Variants in LYPLA1 observed in about 807,000 individuals in gnomAD.
LYPLA1 encodes the protein acyl-protein thioesterase 1.
LYPLA1 carries 17 observed loss-of-function variants against 34.0 expected under a neutral mutation model. The observed-to-expected ratio is 0.50, with a 90% confidence interval of 0.34 to 0.75. LYPLA1 has a LOEUF of 0.75. Among genes scored for constraint, LYPLA1 ranks in the 30% least tolerant of loss-of-function variants. The pLI is 0.01. For missense variants in LYPLA1, 203 were observed against 288.8 expected (o/e 0.70, Z 2.15); for synonymous variants, 98 against 100.8 (o/e 0.97, Z 0.17).
chr8:54,045,578 G>T (rs1805456913), downstream of LYPLA1: 1 of 152,190 alleles, frequency 6.6e-6, no homozygotes, highest in Non-Finnish European at 1.5e-5. Flanking sequence ...TCCAAAAATT[G>T]AACAAGCTGC....
downstream of LYPLA1, among the ~76,000 whole-genome samples, chr8:54,045,160 GACTAT>G (rs1462268550): frequency 6.6e-6 from 1 of 152,124 alleles, no homozygotes; most frequent in Non-Finnish European, 1.5e-5. Context: ...TTGATCAGAG[GACTAT>G]ATGCTTAAAG....
downstream of LYPLA1, chr8:54,046,352 T>C (rs1340643789): frequency 6.6e-6 from 1 of 152,608 alleles, no homozygotes; most frequent in Non-Finnish European, 1.5e-5. Flanking sequence ...ATTCCAAATA[T>C]TAAAATACTC....
At chr8:54,086,812 T>C (rs933291317) in intron 2 of LYPLA1, among the ~76,000 whole-genome samples, 1 of 152,170 alleles carries the variant, frequency 6.6e-6, no homozygotes, top group African/African-American at 2.4e-5. Flanking sequence ...TTCACTCCAC[T>C]GCACTCTAGC....
rs1383684036 is a variant in LYPLA1, at chr8:54,052,638, T to G, written c.462+17A>C. 1 of 1,534,002 alleles carries G rather than the reference T, an allele frequency of 6.5e-7. No individual in the cohort carries two copies. Among genetic ancestry groups the G allele is most frequent in the African/African-American group, 1.4e-5 (1 of 73,118 alleles). On this transcript the variant is annotated intron_variant, in intron 7 of 8. Coordinates refer to ENST00000316963, the MANE Select transcript of LYPLA1 (RefSeq NM_006330.4). ...TTTAGCTCAGTAATCTCATGTTGAG[T>G]GCATCAACCAAGTTACCTGTGGAAA...
intron 2 of LYPLA1, among the ~76,000 whole-genome samples, chr8:54,081,096 C>T (rs1459194804): frequency 1.3e-5 from 2 of 152,098 alleles, no homozygotes; most frequent in African/African-American, 2.4e-5. Flanking sequence ...AGTTCAAAGG[C>T]CTTTTGCTGT....
intron 2 of LYPLA1, among the ~76,000 whole-genome samples, chr8:54,075,492 C>T (rs1019524632): frequency 4.6e-5 from 7 of 152,182 alleles, no homozygotes; most frequent in African/African-American, 1.4e-4. Context: ...TCATGAGCAA[C>T]ACCCGAACAG....
rs189362885 is a variant in LYPLA1, at chr8:54,085,995, G to A, written c.101+14913C>T. Among the ~76,000 whole-genome samples the A allele has an allele frequency of 4.6e-5, 7 of 152,292 alleles. No homozygotes were observed. In the East Asian group the frequency reaches 9.6e-4, roughly 21 times the overall value. On this transcript the variant is annotated intron_variant, in intron 2 of 8. Transcript: ENST00000316963. ...ATGGCGGTTTTGTCGAATAGAAAAC[G>A]GGGAAATGTGGGGAAAAGAGAGATC...
chr8:54,051,152 G>GAAT lies in LYPLA1; in HGVS notation c.496_498dup (p.Ile166dup). ...GGGTCACAATCCCCGTGGCACTGGA[G>GAAT]AATAGAAATATCTCTATTAGCACCA... On this transcript the variant is annotated inframe_insertion, in exon 8 of 9. Coordinates refer to ENST00000316963, the MANE Select transcript of LYPLA1 (RefSeq NM_006330.4). The GAAT allele has an allele frequency of 6.2e-7, 1 of 1,613,850 alleles. No individual in the cohort carries two copies. Among genetic ancestry groups the GAAT allele is most frequent in the Non-Finnish European group, 8.5e-7 (1 of 1,179,892 alleles).
chr8:54,063,667 C>T (rs1338742782), intron 3 of LYPLA1, among the ~76,000 whole-genome samples: 2 of 152,132 alleles, frequency 1.3e-5, no homozygotes, highest in Non-Finnish European at 2.9e-5. Flanking sequence ...AGAAGAGAAA[C>T]CAGAAACCAA....
In LYPLA1 at chr8:54,084,006, T is replaced by C. The variant is rs368099502; in HGVS notation, c.101+16902A>G. ...TACAAAAACTAGCCCGGTGTGGCAG[T>C]GAATGCCTGTAATCCCAGCTACTTG... On this transcript the variant is annotated intron_variant, in intron 2 of 8. Coordinates refer to ENST00000316963, the MANE Select transcript of LYPLA1 (RefSeq NM_006330.4). Among the ~76,000 whole-genome samples, 4 of 151,064 alleles carry C rather than the reference T, an allele frequency of 2.6e-5. No homozygotes were observed. The East Asian group carries it at 7.8e-4, about 30-fold the overall frequency.
chr8:54,056,592 T>C (rs1645766988), intron 5 of LYPLA1, among the ~76,000 whole-genome samples: 1 of 152,004 alleles, frequency 6.6e-6, no homozygotes, highest in Non-Finnish European at 1.5e-5. Context: ...TTAACAACTC[T>C]ATAGGAAAAA....
rs1177232980 is a variant in LYPLA1, at chr8:54,052,717, G to T, written c.400C>A (p.Gln134Lys). Reference protein sequence around the residue: ...LSLYTALTTQQKLAGVTALSC... With the variant: ...LSLYTALTTQKKLAGVTALSC... ...AGTGCAGTGACACCTGCCAGTTTCTGCTGTGTGGTAAGGGCAGTATATAAA... is the reference window on the plus strand; with the variant it reads ...AGTGCAGTGACACCTGCCAGTTTCTTCTGTGTGGTAAGGGCAGTATATAAA... Residue 134 changes from glutamine (Q) to lysine (K), a missense_variant, in exon 7 of 9, where the codon CAG (glutamine) becomes AAG (lysine). By Grantham distance (53) the Gln-to-Lys change is moderately conservative (BLOSUM62 1). This residue lies in a region of LYPLA1 where 123 missense variants were observed against 199.2 expected (regional missense o/e 0.62). Transcript: ENST00000316963. 3 of 1,613,818 alleles carry T rather than the reference G, an allele frequency of 1.9e-6. No homozygotes were observed. The African/African-American group carries it at 4.0e-5, about 22-fold the overall frequency.
At chr8:54,056,354 T>C (rs369074905) in intron 5 of LYPLA1, among the ~76,000 whole-genome samples, 28 of 152,148 alleles carry the variant, frequency 1.8e-4, no homozygotes, top group African/African-American at 6.0e-4. Flanking sequence ...CGAGAAAAAA[T>C]TGGGGAAAAT....
At chr8:54,085,736 G>T (rs934296547) in intron 2 of LYPLA1, among the ~76,000 whole-genome samples, 27 of 149,530 alleles carry the variant, frequency 1.8e-4, no homozygotes, top group African/African-American at 5.8e-4. Flanking sequence ...GAGCCCCTCC[G>T]CCCGGCCAGC....
In LYPLA1 at chr8:54,062,278, C is replaced by T; in HGVS notation, c.262G>A (p.Gly88Arg). Residue 88 changes from glycine (G) to arginine (R), a missense_variant, in exon 5 of 9, where the codon GGG becomes AGG. By Grantham distance (125) the Gly-to-Arg change is moderately radical. This residue lies in a region of LYPLA1 where 123 missense variants were observed against 199.2 expected (regional missense o/e 0.62). Coordinates refer to ENST00000316963, the MANE Select transcript of LYPLA1 (RefSeq NM_006330.4). ...CTATTTTCTGCTGCCTGTTTAATCC[C>T]AGATTCATCCTCCTGTGAATCTGGT... ...LSPDSQEDES[G>R]IKQAAENIKA... 6.2e-7 allele frequency: 1 copy of T among 1,606,874 alleles called. No individual in the cohort carries two copies. The highest frequency in any genetic ancestry group is 1.3e-5 in the African/African-American group (1 of 74,732).
chr8:54,079,742 C>T lies in LYPLA1; in HGVS notation c.102-13929G>A, dbSNP rs190703597. ...CCTGGGAGGCGGAGGGTGCGGTAAA[C>T]GGAGATCACACCACTGCACTCCAGC... On this transcript the variant is annotated intron_variant, in intron 2 of 8. Transcript: ENST00000316963. Among the ~76,000 whole-genome samples, 320 of 152,112 alleles carry T rather than the reference C, an allele frequency of 2.1e-3. 1 individual carries two copies. Among genetic ancestry groups the T allele is most frequent in the African/African-American group, 7.2e-3 (299 of 41,506 alleles).
In LYPLA1 at chr8:54,062,069, C is replaced by T. The variant is rs190673619; in HGVS notation, c.286+185G>A. ...ATGGGGTTTCACCATGCTGGCCAAGCTGGTCTTGAACTCCTGACCTTCAGG... is the reference window on the plus strand; with the variant it reads ...ATGGGGTTTCACCATGCTGGCCAAGTTGGTCTTGAACTCCTGACCTTCAGG... On this transcript the variant is annotated intron_variant, in intron 5 of 8. Coordinates refer to ENST00000316963, the MANE Select transcript of LYPLA1 (RefSeq NM_006330.4). Among the ~76,000 whole-genome samples, 236 of 152,198 alleles carry T rather than the reference C, an allele frequency of 1.6e-3. 1 individual carries two copies. Among genetic ancestry groups the T allele is most frequent in the Non-Finnish European group, 2.6e-3 (176 of 67,982 alleles).
chr8:54,068,891 T>C (rs144434546), intron 2 of LYPLA1, among the ~76,000 whole-genome samples: 45 of 152,290 alleles, frequency 3.0e-4, no homozygotes, highest in Non-Finnish European at 6.3e-4. Context: ...ACAACTTACA[T>C]AGTGGGAAAA....
chr8:54,085,971 T>C (rs1158915493), intron 2 of LYPLA1, among the ~76,000 whole-genome samples: 2 of 152,098 alleles, frequency 1.3e-5, no homozygotes, highest in African/African-American at 2.4e-5. Flanking sequence ...ATGATGACGA[T>C]GGCGGTTTTG....
Sources: allele counts gnomAD v4.1 joint callset (sites outside exome capture counted in the v4.1 genomes callset), GRCh38; gene constraint gnomAD v4.1.1; regional missense constraint gnomAD v4.1.1; transcripts MANE v1.5; gene names NCBI Gene and HGNC (gene_info 2026-07-23, HGNC 2026-07-21).